SPAG16: variants seen among roughly 807,000 people sequenced by gnomAD.
SPAG16 encodes the protein sperm-associated antigen 16 protein.
SPAG16 carries 86 observed loss-of-function variants against 80.4 expected under a neutral mutation model. The observed-to-expected ratio is 1.07, with a 90% CI of 0.90 to 1.28. The LOEUF is 1.28. Among genes scored for constraint, SPAG16 ranks in the 50% most tolerant of loss-of-function variants. The pLI is 0.00. For missense variants in SPAG16, 870 were observed against 765.3 expected (o/e 1.14, Z -1.61); for synonymous variants, 294 against 265.9 (o/e 1.11, Z -1.03).
At chr2:213,339,846 A>G (rs530546158) in intron 5 of SPAG16, among the ~76,000 whole-genome samples, 133 of 152,264 alleles carry the variant, frequency 8.7e-4, no homozygotes, top group South Asian at 6.8e-3. Context: ...TCCAAGCCAA[A>G]AAGGTTCTCT....
At chr2:213,639,871 C>T (rs1427289769) in intron 10 of SPAG16, among the ~76,000 whole-genome samples, 1 of 152,164 alleles carries the variant, frequency 6.6e-6, no homozygotes, top group Admixed American at 6.5e-5. Context: ...TCCTCAGGAA[C>T]ATCAATTATT....
At chr2:214,014,494 A>T (rs1182929889) in intron 13 of SPAG16, among the ~76,000 whole-genome samples, 1 of 152,182 alleles carries the variant, frequency 6.6e-6, no homozygotes, top group East Asian at 1.9e-4. Flanking sequence ...AAGGAGGAGG[A>T]TTCATATCTG....
At chr2:213,576,742 T>G (rs920174113) in intron 10 of SPAG16, among the ~76,000 whole-genome samples, 1 of 152,082 alleles carries the variant, frequency 6.6e-6, no homozygotes, top group African/African-American at 2.4e-5. Context: ...CAAATAGTGC[T>G]TGTTCTCACT....
chr2:213,696,092 C>T (rs942832037), intron 10 of SPAG16, among the ~76,000 whole-genome samples: 15 of 151,834 alleles, frequency 9.9e-5, no homozygotes, highest in Non-Finnish European at 1.3e-4. Context: ...AGGGTAAAGC[C>T]AAAAGATTTG....
At chr2:213,485,034 A>G (rs2125709119) in intron 9 of SPAG16, among the ~76,000 whole-genome samples, 1 of 151,438 alleles carries the variant, frequency 6.6e-6, no homozygotes, top group East Asian at 1.9e-4. Context: ...CATTCTGTCC[A>G]TTCAGGCTGG....
chr2:213,514,977 A>G (rs1471500474), intron 10 of SPAG16, among the ~76,000 whole-genome samples: 1 of 152,164 alleles, frequency 6.6e-6, no homozygotes, highest in Non-Finnish European at 1.5e-5. Context: ...TTCACTTATA[A>G]GCATCAAGGG....
At chr2:213,917,189 T>C (rs575494435) in intron 11 of SPAG16, among the ~76,000 whole-genome samples, 3 of 152,316 alleles carry the variant, frequency 2.0e-5, no homozygotes, top group Admixed American at 6.5e-5. Context: ...AGTCTAGTAG[T>C]ACAGTTTAGT....
chr2:214,334,681 C>A (rs908906060), intron 15 of SPAG16, among the ~76,000 whole-genome samples: 7 of 152,194 alleles, frequency 4.6e-5, no homozygotes, highest in African/African-American at 7.2e-5. Flanking sequence ...CAGAGTCCTT[C>A]TAATGGCTAT....
chr2:214,051,625 T>TA (rs1157324805), intron 13 of SPAG16, among the ~76,000 whole-genome samples: 1 of 152,316 alleles, frequency 6.6e-6, no homozygotes, highest in East Asian at 1.9e-4. Flanking sequence ...TATTTATACT[T>TA]ACAATAGTGT....
In SPAG16 at chr2:213,483,536, G is replaced by A. The variant is rs144829788; in HGVS notation, c.943-6427G>A. Among the ~76,000 whole-genome samples the A allele has an allele frequency of 3.5e-3, 531 of 152,288 alleles. 21 individuals carry two copies. The highest frequency in any genetic ancestry group is 0.03 in the Admixed American group (462 of 15,284). On this transcript the variant is annotated intron_variant, in intron 9 of 15. Coordinates refer to ENST00000331683, the MANE Select transcript of SPAG16 (RefSeq NM_024532.5). ...ATTTCGAAAGATGGGTTGTTGAGCA[G>A]ATGGATTCTCAAACTTAAGCAAGCC...
At chr2:214,368,140 A>C (rs1490663891) in intron 15 of SPAG16, among the ~76,000 whole-genome samples, 1 of 152,056 alleles carries the variant, frequency 6.6e-6, no homozygotes, top group Admixed American at 6.6e-5. Flanking sequence ...AATGCTCTCT[A>C]TCAGTCCCTT....
chr2:213,484,958 G>C (rs1453183886), intron 9 of SPAG16, among the ~76,000 whole-genome samples: 1 of 151,108 alleles, frequency 6.6e-6, no homozygotes, highest in Non-Finnish European at 1.5e-5. Flanking sequence ...ATTTTTATCT[G>C]ATTGCTGTTA....
At chr2:213,396,781 C>G in intron 9 of SPAG16, 1 of 379,344 alleles carries the variant, frequency 2.6e-6, no homozygotes, top group Non-Finnish European at 5.4e-6. Context: ...CTCCAATCCT[C>G]CCTTTCGTCA....
chr2:213,659,155 G>T (rs2063330906), intron 10 of SPAG16, among the ~76,000 whole-genome samples: 1 of 152,082 alleles, frequency 6.6e-6, no homozygotes, highest in Non-Finnish European at 1.5e-5. Flanking sequence ...ACCATCCATT[G>T]CTTGCACAAC....
At chr2:214,067,678 T>C (rs2050595522) in intron 13 of SPAG16, among the ~76,000 whole-genome samples, 1 of 152,238 alleles carries the variant, frequency 6.6e-6, no homozygotes, top group African/African-American at 2.4e-5. Context: ...CATAATGATA[T>C]ACAAGTAAAA....
chr2:213,594,687 G>T (rs2060826117), intron 10 of SPAG16, among the ~76,000 whole-genome samples: 1 of 152,164 alleles, frequency 6.6e-6, no homozygotes, highest in Admixed American at 6.5e-5. Flanking sequence ...GTTTCTGGCT[G>T]CCTCAGTTCT....
intron 15 of SPAG16, among the ~76,000 whole-genome samples, chr2:214,181,603 C>A (rs1228159447): frequency 6.6e-6 from 1 of 151,802 alleles, no homozygotes; most frequent in Non-Finnish European, 1.5e-5. Flanking sequence ...TAGAGGCCGT[C>A]TCTCTCTAAA....
chr2:213,999,372 G>A (rs554526432), intron 12 of SPAG16, among the ~76,000 whole-genome samples: 3 of 152,222 alleles, frequency 2.0e-5, no homozygotes, highest in Non-Finnish European at 1.5e-5. Flanking sequence ...CTTCCACGTG[G>A]TGTTGAGCCT....
At chr2:213,331,338 G>A (rs140900647) in intron 5 of SPAG16, among the ~76,000 whole-genome samples, 57 of 152,250 alleles carry the variant, frequency 3.7e-4, no homozygotes, top group Middle Eastern at 3.4e-3. Flanking sequence ...AGGATTTACC[G>A]TCATAAGAAT....
Sources: allele counts gnomAD v4.1 joint callset (sites outside exome capture counted in the v4.1 genomes callset), GRCh38; gene constraint gnomAD v4.1.1; transcripts MANE v1.5; gene names NCBI Gene and HGNC (gene_info 2026-07-23, HGNC 2026-07-21).